The following SLC14A2 variants were observed in gnomAD, a reference collection of about 807,000 sequenced individuals.
The protein encoded by SLC14A2 is urea transporter 2.
In SLC14A2, 91 loss-of-function variants were observed where a neutral mutation model predicts 104.6. The observed-to-expected ratio is 0.87, with a 90% CI of 0.73 to 1.04. The LOEUF is 1.04. Among genes scored for constraint, SLC14A2 ranks in the 50% least tolerant of loss-of-function variants. The pLI is 0.00. For missense variants in SLC14A2, 1,189 were observed against 1,156.0 expected, an observed-to-expected ratio of 1.03 and a Z score of -0.41; for synonymous variants, 476 against 466.4, an observed-to-expected ratio of 1.02 and a Z score of -0.27.
At chr18:45,355,175 G>A (rs562654228) in intron 1 of SLC14A2, among the ~76,000 whole-genome samples, 12 of 152,188 alleles carry the variant, frequency 7.9e-5, no homozygotes, top group East Asian at 3.9e-4. Flanking sequence ...TTGACCTTTC[G>A]CAAGGAGACA....
chr18:45,394,679 G>T (rs1459069815), intron 1 of SLC14A2, among the ~76,000 whole-genome samples: 2 of 152,030 alleles, frequency 1.3e-5, no homozygotes, highest in African/African-American at 4.8e-5. Flanking sequence ...CAAGGCTTTT[G>T]CCCATTTTTT....
chr18:45,447,339 C>T (rs1475161930), intron 1 of SLC14A2: 2 of 152,224 alleles, frequency 1.3e-5, no homozygotes, highest in African/African-American at 4.8e-5. Context: ...ATTCCGCTTT[C>T]ACTTTTCCAA....
chr18:45,403,759 G>GACGAATGA (rs1555682876), intron 1 of SLC14A2, among the ~76,000 whole-genome samples: 2 of 135,192 alleles, frequency 1.5e-5, no homozygotes, highest in East Asian at 4.2e-4. Flanking sequence ...TTTAATCAGT[G>GACGAATGA]ATGAATGAAT....
intron 1 of SLC14A2, among the ~76,000 whole-genome samples, chr18:45,412,920 G>A (rs1020470138): frequency 1.3e-5 from 2 of 152,218 alleles, no homozygotes; most frequent in African/African-American, 2.4e-5. Flanking sequence ...TTTGGGACAA[G>A]TGTCACCAGA....
intron 10 of SLC14A2, chr18:45,646,499 A>T (rs1402756400): frequency 6.6e-6 from 1 of 152,236 alleles, no homozygotes; most frequent in Non-Finnish European, 1.5e-5. Flanking sequence ...TCCTGTCTTC[A>T]TTAAGCTCTT....
At chr18:45,542,938 A>ATAT (rs2043913134) in intron 2 of SLC14A2, among the ~76,000 whole-genome samples, 1 of 151,964 alleles carries the variant, frequency 6.6e-6, no homozygotes, top group Admixed American at 6.6e-5. Flanking sequence ...TTAGTATTTA[A>ATAT]TATTATTTAA....
chr18:45,462,404 T>A (rs965513065), intron 1 of SLC14A2, among the ~76,000 whole-genome samples: 2 of 152,202 alleles, frequency 1.3e-5, no homozygotes, highest in African/African-American at 2.4e-5. Context: ...ACTTGTACAC[T>A]GTCTAGCAGG....
intron 2 of SLC14A2, chr18:45,528,046 T>A (rs942626796): frequency 3.9e-5 from 6 of 152,120 alleles, no homozygotes; most frequent in African/African-American, 1.2e-4. Flanking sequence ...CCTTATGACA[T>A]CCATGTGGGA....
At chr18:45,174,852 G>T in the SLC14A2 span, among the ~76,000 whole-genome samples, 3 of 152,096 alleles carry the variant, frequency 2.0e-5, no homozygotes, top group Non-Finnish European at 2.9e-5. Context: ...AAATGCAAAA[G>T]GCTCTTAAAT....
intron 2 of SLC14A2, among the ~76,000 whole-genome samples, chr18:45,515,800 T>C (rs147137320): frequency 0.017 from 2,517 of 152,346 alleles, 25 homozygotes; most frequent in Non-Finnish European, 0.024. Flanking sequence ...CAGAAAACCA[T>C]GCATCACAAG....
intron 1 of SLC14A2, among the ~76,000 whole-genome samples, chr18:45,391,821 T>C (rs2080678): frequency 0.37 from 56,314 of 152,148 alleles, 11,277 homozygotes; most frequent in South Asian, 0.52. Flanking sequence ...AGATTCTGGA[T>C]ACTAGCCGTT....
At chr18:45,433,218 G>A (rs894623637) in intron 1 of SLC14A2, among the ~76,000 whole-genome samples, 1 of 152,058 alleles carries the variant, frequency 6.6e-6, no homozygotes, top group Non-Finnish European at 1.5e-5. Context: ...GTTTTCCCAT[G>A]CATACAGTGG....
intron 2 of SLC14A2, among the ~76,000 whole-genome samples, chr18:45,606,983 A>C (rs752781383): frequency 1.8e-4 from 28 of 152,198 alleles, no homozygotes; most frequent in Non-Finnish European, 3.7e-4. Flanking sequence ...TCAAGGCTAC[A>C]GACATTGCAA....
chr18:45,474,382 T>C (rs1456478745), intron 1 of SLC14A2, among the ~76,000 whole-genome samples: 7 of 152,178 alleles, frequency 4.6e-5, no homozygotes, highest in African/African-American at 1.7e-4. Context: ...CAGGATGATG[T>C]TGGCCCAGTA....
Position 45,458,251 on chromosome 18 carries a change from C to T in SLC14A2, c.-124-24982C>T, listed in dbSNP as rs2086980443. The stretch of plus-strand genomic sequence containing the variant: ...TCTGGAAAGGGTTTGCAGCAACAGG[C>T]ATTAATATAAAAGCATCTCGTAAGT... On this transcript the variant is annotated intron_variant, in intron 1 of 20. Transcript: ENST00000586448. 2.0e-5 allele frequency among the ~76,000 whole-genome samples: 3 copies of T among 152,138 alleles called. No individual in the cohort carries two copies. In the South Asian group the frequency reaches 6.2e-4, roughly 32 times the overall value.
At position 45,668,331 on chromosome 18, in the gene SLC14A2, C is replaced by G; in HGVS notation, c.1908-18C>G. The stretch of plus-strand genomic sequence containing the variant: ...CTGGGGAAGCCCCTGCTCCACCTGA[C>G]CCTCCCTCTCCTGCCAGGTCGGCCA... On this transcript the variant is annotated intron_variant, in intron 14 of 19. Coordinates refer to ENST00000255226, the MANE Select transcript of SLC14A2 (RefSeq NM_007163.4). 1 of 1,613,492 alleles carries G rather than the reference C, an allele frequency of 6.2e-7. No homozygotes were observed.
intron 1 of SLC14A2, among the ~76,000 whole-genome samples, chr18:45,314,926 G>A (rs2085114021): frequency 6.6e-6 from 1 of 152,170 alleles, no homozygotes; most frequent in Non-Finnish European, 1.5e-5. Flanking sequence ...GATAATAAGA[G>A]TGTCCACAGA....
At chr18:45,578,117 G>T (rs2044439334) in intron 2 of SLC14A2, among the ~76,000 whole-genome samples, 3 of 152,022 alleles carry the variant, frequency 2.0e-5, no homozygotes, top group Admixed American at 2.0e-4. Flanking sequence ...TGTCTGAAAG[G>T]CTCTCCTCTT....
chr18:45,391,180 G>GT (rs751012158), intron 1 of SLC14A2, among the ~76,000 whole-genome samples: 29 of 152,040 alleles, frequency 1.9e-4, no homozygotes, highest in Admixed American at 1.4e-3. Context: ...GTGGTGTTTG[G>GT]TTTTTTGTCC....
Sources: allele counts gnomAD v4.1 joint callset (sites outside exome capture counted in the v4.1 genomes callset), GRCh38; gene constraint gnomAD v4.1.1; transcripts MANE v1.5; gene names NCBI Gene and HGNC (gene_info 2026-07-23, HGNC 2026-07-21).